The following DNAH8 variants were observed in gnomAD, a reference collection of about 807,000 sequenced individuals.
DNAH8 encodes the protein axonemal beta dynein heavy chain 8.
In DNAH8, 382 loss-of-function variants were observed where a neutral mutation model predicts 562.1. The ratio of observed to expected loss-of-function variants is 0.68; its 90% CI spans 0.63 to 0.74. The LOEUF (loss-of-function observed/expected upper bound fraction) is 0.74. Ranked by LOEUF, DNAH8 falls within the 30% of genes least tolerant of loss-of-function variation. The pLI is 0.00. For synonymous variants in DNAH8, 1,881 were observed against 1,919.4 expected (o/e 0.98, Z 0.52); for missense variants, 5,203 against 5,620.4 (o/e 0.93, Z 2.37).
intron 70 of DNAH8, among the ~76,000 whole-genome samples, chr6:38,919,416 A>C (rs1184170853): frequency 2.0e-5 from 3 of 152,080 alleles, no homozygotes. Flanking sequence ...TCAGATTCTT[A>C]ATATTTTTTT....
At chr6:38,862,184 A>C in intron 43 of DNAH8, 96 bp from the exon 44 acceptor site, 1 of 1,094,474 alleles carries the variant, frequency 9.1e-7, no homozygotes, top group Non-Finnish European at 1.3e-6. Context: ...ACTCTAAAAT[A>C]AATAGGCCCA....
chr6:38,837,933 T>A lies in DNAH8; in HGVS notation c.4366-9T>A. The A allele has an allele frequency of 6.3e-7, 1 of 1,592,128 alleles. No homozygotes were observed. On this transcript the variant is annotated splice_polypyrimidine_tract_variant and intron_variant, in intron 32 of 92. Transcript: ENST00000327475. ...GTATTTTAGTACAATTTAAAAACCT[T>A]TGTTACAGGCCAGTTTCGATGATCT...
chr6:38,906,514 AT>A, intron 63 of DNAH8, 107 bp downstream of exon 63: 1 of 902,086 alleles, frequency 1.1e-6, no homozygotes, highest in Non-Finnish European at 1.6e-6. Context: ...TACATTTTTT[AT>A]TTTAGACATG....
chr6:39,009,037 C>T, intron 89 of DNAH8, 67 bp downstream of exon 89: 1 of 1,182,878 alleles, frequency 8.5e-7, no homozygotes, highest in African/African-American at 1.5e-5. Context: ...AGTTTGATTA[C>T]CTTGAAAAGC....
chr6:38,720,665 C>G (rs1762681261), intron 1 of DNAH8, among the ~76,000 whole-genome samples: 3 of 152,120 alleles, frequency 2.0e-5, no homozygotes, highest in Admixed American at 6.5e-5. Flanking sequence ...AATAATTAAT[C>G]CTTCAACACA....
intron 19 of DNAH8, 52 bp from the exon 20 acceptor site, chr6:38,790,237 G>T: frequency 1.1e-6 from 1 of 933,198 alleles, no homozygotes; most frequent in South Asian, 1.4e-5. Context: ...TCTTCTATAA[G>T]TGCAGATGCT....
At chr6:38,727,971 T>G (rs1763362200) in intron 3 of DNAH8, among the ~76,000 whole-genome samples, 1 of 151,960 alleles carries the variant, frequency 6.6e-6, no homozygotes, top group Non-Finnish European at 1.5e-5. Context: ...TTAAGTTAAT[T>G]TTTTTTTCTT....
chr6:38,965,103 AATAAAATAAAATAAT>A (rs1401079696), intron 82 of DNAH8, among the ~76,000 whole-genome samples: 1 of 73,064 alleles, frequency 1.4e-5, no homozygotes, highest in African/African-American at 4.4e-5. Flanking sequence ...AATAAAATAA[AATAAAATAAAATAAT>A]GTATAATACA....
intron 20 of DNAH8, among the ~76,000 whole-genome samples, chr6:38,790,851 T>C (rs1769677566): frequency 1.3e-5 from 2 of 151,812 alleles, no homozygotes; most frequent in South Asian, 2.1e-4. Context: ...CAAAAAACTT[T>C]ATATTTCTTT....
At chr6:38,792,212 C>A (rs958740553) in intron 21 of DNAH8, among the ~76,000 whole-genome samples, 1 of 152,136 alleles carries the variant, frequency 6.6e-6, no homozygotes, top group African/African-American at 2.4e-5. Context: ...TTCAGCCTCC[C>A]AAGTAGCTGG....
chr6:38,957,811 C>A (rs141847168), intron 82 of DNAH8, among the ~76,000 whole-genome samples: 1 of 137,354 alleles, frequency 7.3e-6, no homozygotes, highest in Non-Finnish European at 1.5e-5. Context: ...ACACCATAAT[C>A]TATGGAATAC....
intron 85 of DNAH8, among the ~76,000 whole-genome samples, chr6:38,977,251 C>A (rs1212371109): frequency 6.6e-6 from 1 of 152,158 alleles, no homozygotes; most frequent in Non-Finnish European, 1.5e-5. Flanking sequence ...TGGGAACATG[C>A]ATAGATGCAC....
chr6:38,997,529 T>A (rs1765216885), intron 88 of DNAH8, among the ~76,000 whole-genome samples: 1 of 152,116 alleles, frequency 6.6e-6, no homozygotes. Flanking sequence ...TGGGGGCATG[T>A]TGAGCTGGGA....
chr6:38,756,015 G>A lies in DNAH8; in HGVS notation c.1451G>A (p.Arg484Lys), dbSNP rs529544221. The change falls in exon 10 of 93, where the codon AGA becomes AAA. Residue 484 changes from arginine (R) to lysine (K), a missense_variant. Arg to Lys is a conservative substitution (Grantham distance 26). Transcript: ENST00000327475. ...ATACAAAATTTGATTAATGCCATCA[G>A]AATGATTCACGGTGTGTCAAGGTAT... ...HGIQNLINAI[R>K]MIHGVSRYYN... 3.1e-6 allele frequency: 5 copies of A among 1,611,392 alleles called. No individual in the cohort carries two copies. In the South Asian group the frequency reaches 5.5e-5, roughly 18 times the overall value.
chr6:38,729,513 CA>C (rs1386712012), intron 3 of DNAH8, among the ~76,000 whole-genome samples: 4 of 152,172 alleles, frequency 2.6e-5, no homozygotes, highest in Admixed American at 2.6e-4. Context: ...CATAATTGCT[CA>C]AATAATTGGT....
chr6:38,772,940 A>G (rs1158450187), intron 12 of DNAH8, among the ~76,000 whole-genome samples: 1 of 148,614 alleles, frequency 6.7e-6, no homozygotes, highest in African/African-American at 2.5e-5. Flanking sequence ...CTGGGACTAC[A>G]AGCATATACC....
chr6:38,722,735 A>T (rs1762856862), intron 1 of DNAH8, 41 bp from the exon 2 acceptor site: 1 of 1,447,424 alleles, frequency 6.9e-7, no homozygotes, highest in South Asian at 1.5e-5. Context: ...TACAACACTC[A>T]ATTTACTGTA....
At chr6:38,747,625 T>A (rs1765068601) in intron 8 of DNAH8, among the ~76,000 whole-genome samples, 2 of 152,186 alleles carry the variant, frequency 1.3e-5, no homozygotes, top group African/African-American at 4.8e-5. Context: ...GACCTCGTGA[T>A]CTGCCCGCCT....
chr6:38,824,320 A>G (rs1773127278), intron 28 of DNAH8, among the ~76,000 whole-genome samples: 2 of 152,260 alleles, frequency 1.3e-5, no homozygotes, highest in South Asian at 2.1e-4. Flanking sequence ...CTGTAGAAGG[A>G]TGCTTACTCA....
Sources: gnomAD v4.1 joint callset for allele counts (sites outside exome capture counted in the v4.1 genomes callset) on GRCh38, gnomAD v4.1.1 for gene constraint, MANE v1.5 for transcripts, NCBI Gene and HGNC (gene_info 2026-07-23, HGNC 2026-07-21) for gene names.